Variants in NEB observed in about 807,000 individuals in gnomAD.
The protein encoded by NEB is nemaline myopathy type 2.
Under a neutral mutation model 952.2 loss-of-function variants are expected in NEB, and 512 were observed. That is an observed-to-expected ratio of 0.54 (90% confidence interval 0.50 to 0.58). NEB has a LOEUF of 0.58. Ranked by LOEUF, NEB falls within the 20% of genes least tolerant of loss-of-function variation. The probability of loss-of-function intolerance (pLI) is 0.00; values close to 1 mark genes in which losing one functional copy is unlikely to be tolerated. For synonymous variants in NEB, 2,900 were observed against 3,149.8 expected, an observed-to-expected ratio of 0.92 and a Z score of 2.66; for missense variants, 8,428 against 9,231.1, an observed-to-expected ratio of 0.91 and a Z score of 3.56.
In NEB at chr2:151,695,019, G is replaced by C. The variant is rs184586388; in HGVS notation, c.1675-390C>G. On this transcript the variant is annotated intron_variant, in intron 18 of 181. Transcript: ENST00000397345. ...ATTTCATAAATCATTACAATACTCA[G>C]TGATGCCAGATAATCTTAGTACTCA... is the stretch of plus-strand genomic sequence containing the variant. 2.6e-5 allele frequency among the ~76,000 whole-genome samples: 4 copies of C among 152,256 alleles called. No homozygotes were observed. The East Asian group carries it at 7.7e-4, about 29-fold the overall frequency.
chr2:151,634,066 G>T, intron 64 of NEB, 101 bp from the exon 65 acceptor site: 2 of 1,327,882 alleles, frequency 1.5e-6, no homozygotes. Context: ...ACTGACTTTT[G>T]TTAACAAGTA....
At chr2:151,516,691 T>G in intron 156 of NEB, 128 bp from the exon 157 acceptor site, 3 of 689,452 alleles carry the variant, frequency 4.4e-6, no homozygotes, top group South Asian at 3.4e-5. Flanking sequence ...CAAAACAGTT[T>G]CCTGTTATGT....
At chr2:151,718,990 C>T (rs981222448) in intron 9 of NEB, among the ~76,000 whole-genome samples, 6 of 152,132 alleles carry the variant, frequency 3.9e-5, no homozygotes, top group South Asian at 2.1e-4. Flanking sequence ...GTCTGCAAAC[C>T]GCTGTTTCCT....
rs1425847576 is a variant in NEB at position 151,581,577 on chromosome 2, C to G, written c.16190G>C (p.Arg5397Pro). 1 of 822,852 alleles carries G rather than the reference C, an allele frequency of 1.2e-6. No homozygotes were observed. Among genetic ancestry groups the G allele is most frequent in the Non-Finnish European group, 1.9e-6 (1 of 521,592 alleles). 51.0% of individuals were successfully genotyped at this position (822,852 alleles called of 1,614,324 possible). Residue 5397 changes from arginine to proline, a missense_variant, in exon 103 of 182, where the codon CGC becomes CCC. By Grantham distance (103) the Arg-to-Pro change is moderately radical (BLOSUM62 -2). Around this residue, in one of 11 missense-constraint regions of NEB, gnomAD observed 40 missense variants for 61.2 expected, o/e 0.65. Transcript: ENST00000397345. ...AGCCTTCTCTTTCTCCCAGGCATCG[C>G]GATACAATGGCTGGGAAAAATGAAA... ...NAVQISEPLYRDAWEKEKANV... is the reference protein window; with the variant it reads ...NAVQISEPLYPDAWEKEKANV...
chr2:151,729,746 T>A, intron 3 of NEB, 90 bp from the exon 4 acceptor site: 2 of 1,317,132 alleles, frequency 1.5e-6, no homozygotes, highest in Non-Finnish European at 2.2e-6. Flanking sequence ...GTGACTGCAC[T>A]AGCTCGGTTG....
At chr2:151,506,118 A>G in intron 164 of NEB, 48 bp downstream of exon 164, 2 of 1,473,806 alleles carry the variant, frequency 1.4e-6, no homozygotes, top group South Asian at 2.3e-5. Context: ...ATTGTAAATT[A>G]TCAAAGGGAG....
chr2:151,546,370 C>T lies in NEB; in HGVS notation c.20441G>A (p.Arg6814His), dbSNP rs773584363. Residue 6814 changes from arginine (R) to histidine (H), a missense_variant, in exon 134 of 182, where the codon CGC (arginine) becomes CAC (histidine). Physicochemically the swap from Arg to His is conservative, Grantham distance 29. Coordinates refer to ENST00000397345, the MANE Select transcript of NEB (RefSeq NM_001164508.2). ...CFLYDTPDMVRSRHLRKLWSN... is the reference protein window; with the variant it reads ...CFLYDTPDMVHSRHLRKLWSN... ...CCAGAGCTTCCGCAGGTGCCGGGAG[C>T]GGACCATGTCAGGAGTGTCATACAG... 56 of 1,612,648 alleles carry T rather than the reference C, an allele frequency of 3.5e-5. No individual in the cohort carries two copies. The highest frequency in any genetic ancestry group is 9.4e-5 in the African/African-American group (7 of 74,854).
Position 151,636,349 on chromosome 2 carries a change from A to T in NEB, c.8995-15T>A. 6.3e-7 allele frequency: 1 copy of T among 1,582,340 alleles called. No individual in the cohort carries two copies. The highest frequency in any genetic ancestry group is 8.6e-7 in the Non-Finnish European group (1 of 1,164,916). On this transcript the variant is annotated splice_polypyrimidine_tract_variant and intron_variant, in intron 63 of 181. Coordinates refer to ENST00000397345, the MANE Select transcript of NEB (RefSeq NM_001164508.2). Reference sequence around the variant, plus strand: ...TTGTACAGACTCTAAATTTGGGGGAAAAAAAATCAGATGCTGACATTTATA... The same window carrying T: ...TTGTACAGACTCTAAATTTGGGGGATAAAAAATCAGATGCTGACATTTATA...
chr2:151,576,372 G>C lies in NEB; in HGVS notation c.16705-18C>G, dbSNP rs61254943. ...TAGAGGGCCTGAAAAAGAAAACACA[G>C]GTAGAAGCAGGGTTTGTGTTTTGTT... is the stretch of plus-strand genomic sequence containing the variant. On this transcript the variant is annotated intron_variant, in intron 105 of 181. Coordinates refer to ENST00000397345, the MANE Select transcript of NEB (RefSeq NM_001164508.2). 10 of 1,567,306 alleles carry C rather than the reference G, an allele frequency of 6.4e-6. No individual in the cohort carries two copies. Among genetic ancestry groups the C allele is most frequent in the South Asian group, 6.0e-5 (5 of 83,738 alleles).
Position 151,531,789 on chromosome 2 carries a change from T to TA in NEB, c.21522+2dup. 1 of 1,603,874 alleles carries TA rather than the reference T, an allele frequency of 6.2e-7. No individual in the cohort carries two copies. The highest frequency in any genetic ancestry group is 8.5e-7 in the Non-Finnish European group (1 of 1,172,028). On this transcript the variant is annotated splice_region_variant and intron_variant, in intron 144 of 181. Transcript: ENST00000397345. ...GAAGGTATTCAGTGTTTCTTGCACTTACATCGCTGATTTGTTTGTTGACTT... is the reference window on the plus strand; with the variant it reads ...GAAGGTATTCAGTGTTTCTTGCACTTAACATCGCTGATTTGTTTGTTGACTT...
intron 178 of NEB, 74 bp from the exon 179 acceptor site, chr2:151,491,849 T>C (rs1375672725): frequency 8.1e-7 from 1 of 1,233,742 alleles, no homozygotes; most frequent in Non-Finnish European, 1.2e-6. Context: ...GGCATGAATT[T>C]TAACAACCAC....
rs1015120048 is a variant in NEB at position 151,575,590 on chromosome 2, G to A, written c.17013+105C>T. ...TGACCACAAGGAGTCTTCCCCTGTT[G>A]CGGGAAGTCAGGGACCGAGTCCATC... On this transcript the variant is annotated intron_variant, in intron 107 of 181. Transcript: ENST00000397345. 3.8e-6 allele frequency: 3 copies of A among 790,686 alleles called. No individual in the cohort carries two copies. In the African/African-American group the frequency reaches 5.3e-5, roughly 14 times the overall value. 49.0% of individuals were successfully genotyped at this position (790,686 alleles called of 1,614,324 possible).
intron 6 of NEB, 135 bp from the exon 7 acceptor site, chr2:151,725,096 C>A: frequency 1.4e-6 from 1 of 692,772 alleles, no homozygotes. Context: ...TGCATTTTAG[C>A]TGGAAAAATG....
chr2:151,492,417 C>A lies in NEB; in HGVS notation c.24843G>T (p.Arg8281=). 1 of 1,609,658 alleles carries A rather than the reference C, an allele frequency of 6.2e-7. No homozygotes were observed. The highest frequency in any genetic ancestry group is 1.7e-5 in the Admixed American group (1 of 59,258). The change falls in exon 177 of 182, where the codon CGG becomes CGT. Residue 8281 remains arginine (R), a synonymous_variant. Transcript: ENST00000397345. The part of the protein sequence containing the change: ...AYVLDTPEMR[R]VRETQRHIST... ...AGATGTGCCGTTGGGTCTCCCTCAC[C>A]CGTCTCATCTCGGGGGTATCCAATA...
chr2:151,570,392 A>C lies in NEB; in HGVS notation c.17119T>G (p.Tyr5707Asp). The change falls in exon 109 of 182, where the codon TAT becomes GAT. Residue 5707 changes from tyrosine to aspartate, a missense_variant and splice_region_variant. This residue lies in a region of NEB where 3,374 missense variants were observed against 3,651.5 expected (regional missense o/e 0.92). Transcript: ENST00000397345. ...AKASREIASD[Y>D]KYKLDHEKQK... is the part of the protein sequence containing the mutation. ...TTCTCATGGTCAAGCTTATATTTATACTGGAGATGCAAAAATAAAGCAGAT... is the reference window on the plus strand; with the variant it reads ...TTCTCATGGTCAAGCTTATATTTATCCTGGAGATGCAAAAATAAAGCAGAT... 1 of 1,572,648 alleles carries C rather than the reference A, an allele frequency of 6.4e-7. No homozygotes were observed. Among genetic ancestry groups the C allele is most frequent in the Non-Finnish European group, 8.6e-7 (1 of 1,160,622 alleles).
Position 151,578,312 on chromosome 2 carries a change from T to C in NEB, c.16704+1026A>G, listed in dbSNP as rs1467771385. 2.7e-5 allele frequency among the ~76,000 whole-genome samples: 4 copies of C among 145,842 alleles called. 2 individuals carry two copies. The highest frequency in any genetic ancestry group is 6.2e-5 in the Non-Finnish European group (4 of 64,186). ...AGGAAACAAGTGGTCTGGAGTGTGC[T>C]GCTAACTTTTCAAATTAAGTTTGAG... On this transcript the variant is annotated intron_variant, in intron 105 of 181. Coordinates refer to ENST00000397345, the MANE Select transcript of NEB (RefSeq NM_001164508.2).
chr2:151,726,932 C>A (rs1255282115), intron 5 of NEB, among the ~76,000 whole-genome samples: 1 of 151,732 alleles, frequency 6.6e-6, no homozygotes, highest in Non-Finnish European at 1.5e-5. Context: ...CTCCTGTAGT[C>A]CTAGCTACTA....
intron 9 of NEB, among the ~76,000 whole-genome samples, chr2:151,723,093 T>C (rs2099779537): frequency 6.6e-6 from 1 of 152,234 alleles, no homozygotes. Flanking sequence ...GGAAGAATAC[T>C]AGTCTTGGGC....
At chr2:151,679,680 AC>A in intron 32 of NEB, 40 bp downstream of exon 32, 2 of 357,218 alleles carry the variant, frequency 5.6e-6, no homozygotes, top group Non-Finnish European at 1.1e-5. Flanking sequence ...CCACCCACCC[AC>A]ATTTTCTAGT....
Sources: allele counts gnomAD v4.1 joint callset (sites outside exome capture counted in the v4.1 genomes callset), GRCh38; gene constraint gnomAD v4.1.1; regional missense constraint gnomAD v4.1.1; transcripts MANE v1.5; gene names NCBI Gene and HGNC (gene_info 2026-07-23, HGNC 2026-07-21).